The following PTPRN variants were observed in gnomAD, a reference collection of about 807,000 sequenced individuals.
The protein encoded by PTPRN is protein tyrosine phosphatase receptor type N.
In PTPRN, 70 loss-of-function variants were observed where a neutral mutation model predicts 108.5. The ratio of observed to expected loss-of-function variants is 0.65; its 90% CI spans 0.53 to 0.79. PTPRN has a LOEUF of 0.79. Ranked by LOEUF, PTPRN falls within the 30% of genes least tolerant of loss-of-function variation. PTPRN has a pLI of 0.00. For missense variants in PTPRN, 1,136 were observed against 1,295.5 expected (o/e 0.88, Z 1.89); for synonymous variants, 496 against 524.6 (o/e 0.95, Z 0.75).
At position 219,297,725 on chromosome 2, in the gene PTPRN, C is replaced by G. The variant is rs1339097682; in HGVS notation, c.1887+160G>C. ...AATTCCCATGCGTTCATAAAGGCCC[C>G]TACCATACTCCCTCCCACTGGGGCT... On this transcript the variant is annotated intron_variant, in intron 13 of 22. Coordinates refer to ENST00000295718, the MANE Select transcript of PTPRN (RefSeq NM_002846.4). This position sits in a 1 kb window ranked among gnomAD's most constrained non-coding sequence, Gnocchi z 6.0. Among the ~76,000 whole-genome samples, 1 of 152,196 alleles carries G rather than the reference C, an allele frequency of 6.6e-6. No individual in the cohort carries two copies. Among genetic ancestry groups the G allele is most frequent in the African/African-American group, 2.4e-5 (1 of 41,448 alleles).
chr2:219,294,844 T>C, intron 19 of PTPRN, 131 bp downstream of exon 19: 1 of 946,494 alleles, frequency 1.1e-6, no homozygotes, highest in Non-Finnish European at 1.5e-6. Flanking sequence ...GAGCGTGGGG[T>C]CTGGAGCGGG....
chr2:219,299,962 G>T (rs1574922754), intron 9 of PTPRN, 23 bp downstream of exon 9: 1 of 1,613,500 alleles, frequency 6.2e-7, no homozygotes, highest in Non-Finnish European at 8.5e-7. Flanking sequence ...AGACCAGAAA[G>T]CTTCCCAGGA....
At chr2:219,305,274 G>T (rs1370816244) in intron 3 of PTPRN, among the ~76,000 whole-genome samples, 1 of 147,854 alleles carries the variant, frequency 6.8e-6, no homozygotes, top group South Asian at 2.1e-4. Flanking sequence ...ATGGAGTCTC[G>T]CTCTATCACC....
intron 3 of PTPRN, among the ~76,000 whole-genome samples, chr2:219,305,399 T>C (rs1255893516): frequency 6.6e-6 from 1 of 152,084 alleles, no homozygotes; most frequent in Non-Finnish European, 1.5e-5. Flanking sequence ...CTCGCCACCA[T>C]GCCTGGCTAA....
Position 219,294,997 on chromosome 2 carries a change from G to T in PTPRN, c.2653C>A (p.Arg885=), listed in dbSNP as rs201664619. The T allele has an allele frequency of 5.2e-5, 84 of 1,600,798 alleles. No individual in the cohort carries two copies. The East Asian group carries it at 1.9e-3, about 37-fold the overall frequency. ...CACCTGCGGAAGTCCAGCAGGGGCC[G>T]CGTGGAGGCCGGTGTGCCCTCTGCC... ...WPAEGTPAST[R]PLLDFRRKVN... Residue 885 remains arginine (R), a synonymous_variant, in exon 19 of 23, where the codon CGG becomes AGG. Coordinates refer to ENST00000295718, the MANE Select transcript of PTPRN (RefSeq NM_002846.4).
rs368342659 is a variant in PTPRN at position 219,307,525 on chromosome 2, C to T, written c.199G>A (p.Gly67Arg). Residue 67 changes from glycine to arginine, a missense_variant, in exon 3 of 23, where the codon GGG (glycine) becomes AGG (arginine). Physicochemically the swap from Gly to Arg is moderately radical, Grantham distance 125 (BLOSUM62 -2). Transcript: ENST00000295718. ...GLFGQCQVGV[G>R]QARPLLQVTS... ...ACTTGCAAAAGGGGCCGGGCCTGCC[C>T]CACTCCCACCTGGCACTGCCCAAAC... 6 of 1,614,016 alleles carry T rather than the reference C, an allele frequency of 3.7e-6. No individual in the cohort carries two copies. The Admixed American group carries it at 6.7e-5, about 18-fold the overall frequency.
Position 219,302,303 on chromosome 2 carries a change from A to G in PTPRN, c.828T>C (p.Ser276=), listed in dbSNP as rs780418573. The change falls in exon 6 of 23, where the codon TCT becomes TCC. Residue 276 remains serine, a synonymous_variant. Coordinates refer to ENST00000295718, the MANE Select transcript of PTPRN (RefSeq NM_002846.4). ...GPSPAQLFQD[S]GLLYLAQELP... is the part of the protein sequence containing the mutation. ...ACTCCTGGGCCAGATAGAGCAGCCC[A>G]GAGTCTTGAAAAAGCTGGGCAGGTG... The G allele has an allele frequency of 2.2e-5, 36 of 1,613,958 alleles. 1 individual carries two copies. In the South Asian group the frequency reaches 3.7e-4, roughly 17 times the overall value.
chr2:219,295,046 C>T lies in PTPRN; in HGVS notation c.2604G>A (p.Thr868=). The T allele has an allele frequency of 1.2e-6, 2 of 1,613,250 alleles. No homozygotes were observed. The highest frequency in any genetic ancestry group is 2.2e-5 in the East Asian group (1 of 44,836). The change falls in exon 19 of 23, where the codon ACG becomes ACA. Residue 868 remains threonine (T), a synonymous_variant. Transcript: ENST00000295718. ...NVQTQETRTL[T]QFHFLSWPAE... is the part of the protein sequence containing the mutation. ...CCGGCCAGCTGAGGAAGTGGAACTG[C>T]GTGAGCGTGCGCGTCTCCTGGGTCT...
In PTPRN at chr2:219,290,639, C is replaced by G; in HGVS notation, c.2795-28G>C. Reference sequence around the variant, plus strand: ...GGAGATGGAGGTGGGGATGGGGCTGCTCAGGGGGTGTCCAGAGGAGGACAG... The same window carrying G: ...GGAGATGGAGGTGGGGATGGGGCTGGTCAGGGGGTGTCCAGAGGAGGACAG... On this transcript the variant is annotated intron_variant, in intron 21 of 22. Coordinates refer to ENST00000295718, the MANE Select transcript of PTPRN (RefSeq NM_002846.4). This position sits in a 1 kb window ranked among gnomAD's most constrained non-coding sequence, Gnocchi z 4.2. 1.3e-6 allele frequency: 2 copies of G among 1,544,690 alleles called. No homozygotes were observed. The highest frequency in any genetic ancestry group is 2.7e-5 in the African/African-American group (2 of 72,972).
At position 219,289,646 on chromosome 2, in the gene PTPRN, T is replaced by C. The variant is rs1952009480; in HGVS notation, c.*580A>G. ...GGTTGCAGCTGCACAGACAACACAC[T>C]AACTTTATTCACACTGGTACAAAAG... On this transcript the variant is annotated 3_prime_UTR_variant, in exon 23 of 23. Coordinates refer to ENST00000295718, the MANE Select transcript of PTPRN (RefSeq NM_002846.4). 6.4e-6 allele frequency: 1 copy of C among 156,622 alleles called. No individual in the cohort carries two copies. The highest frequency in any genetic ancestry group is 2.4e-5 in the African/African-American group (1 of 41,488). The allele number at this position is 156,622 out of a possible 1,614,324, so 9.7% of individuals were successfully genotyped here.
intron 8 of PTPRN, 44 bp from the exon 9 acceptor site, chr2:219,300,303 G>T: frequency 2.0e-6 from 3 of 1,511,104 alleles, no homozygotes; most frequent in Non-Finnish European, 2.7e-6. Flanking sequence ...ACAGTGCTGG[G>T]GGAAGGGGTA....
chr2:219,309,264 C>T lies in PTPRN; in HGVS notation c.69G>A (p.Leu23=). ...AGCCCCCCGGGCGGCTGCTCAGCAG[C>T]AGGAGGCAGAGGAGCAGCCGGAGAC... ...SGGLRLLLCL[L]LLSSRPGGCS... is the part of the protein sequence containing the mutation. Residue 23 remains leucine (L), a synonymous_variant, in exon 1 of 23, where the codon CTG becomes CTA. Transcript: ENST00000295718. 1 of 1,538,506 alleles carries T rather than the reference C, an allele frequency of 6.5e-7. No individual in the cohort carries two copies. Among genetic ancestry groups the T allele is most frequent in the Non-Finnish European group, 8.7e-7 (1 of 1,146,736 alleles).
Position 219,290,662 on chromosome 2 carries a change from C to T in PTPRN, c.2795-51G>A, listed in dbSNP as rs1324770733. ...TGCTCAGGGGGTGTCCAGAGGAGGA[C>T]AGGACCCAGAAAACCTGAGGCCTCC... On this transcript the variant is annotated intron_variant, in intron 21 of 22. Coordinates refer to ENST00000295718, the MANE Select transcript of PTPRN (RefSeq NM_002846.4). This position sits in a 1 kb window ranked among gnomAD's most constrained non-coding sequence, Gnocchi z 4.2. 3 of 1,524,204 alleles carry T rather than the reference C, an allele frequency of 2.0e-6. No individual in the cohort carries two copies. The highest frequency in any genetic ancestry group is 2.0e-5 in the Admixed American group (1 of 50,920). The allele number at this position is 1,524,204 out of a possible 1,614,324, so 94.4% of individuals were successfully genotyped here.
chr2:219,297,431 G>A lies in PTPRN; in HGVS notation c.1890C>T (p.Asp630=). ...AHGDTTFEYQ[D]LCRQHMATKS... ...TCGTGGCCATGTGCTGGCGGCACAG[G>A]TCCTGTGGAGGAAGAATCAGGTGAG... Residue 630 remains aspartate, a splice_region_variant and synonymous_variant, in exon 14 of 23, where the codon GAC becomes GAT. Transcript: ENST00000295718. This position sits in a 1 kb window ranked among gnomAD's most constrained non-coding sequence, Gnocchi z 6.0. 10 of 1,614,086 alleles carry A rather than the reference G, an allele frequency of 6.2e-6. No homozygotes were observed. Among genetic ancestry groups the A allele is most frequent in the Non-Finnish European group, 8.5e-6 (10 of 1,180,026 alleles).
rs17847398 is a variant in PTPRN, at chr2:219,301,509, T to C, written c.1126+79A>G. ...GCCTGACTCTTCCTCTCCAGGCTAC[T>C]CCAAGTGGTCTCGAGGCAGGGCAAG... On this transcript the variant is annotated intron_variant, in intron 7 of 22. Coordinates refer to ENST00000295718, the MANE Select transcript of PTPRN (RefSeq NM_002846.4). 3.9e-6 allele frequency: 6 copies of C among 1,522,672 alleles called. No individual in the cohort carries two copies. The East Asian group carries it at 1.4e-4, about 35-fold the overall frequency. 94.3% of individuals were successfully genotyped at this position (1,522,672 alleles called of 1,614,324 possible).
intron 19 of PTPRN, chr2:219,294,337 G>C (rs1952122436): frequency 2.7e-6 from 1 of 366,670 alleles, no homozygotes; most frequent in Admixed American, 3.2e-5. Context: ...AAAAACAGGG[G>C]AGAGGGCAGA....
chr2:219,299,514 C>A, intron 10 of PTPRN, 130 bp from the exon 11 acceptor site: 1 of 1,210,762 alleles, frequency 8.3e-7, no homozygotes, highest in Non-Finnish European at 1.2e-6. Context: ...ACAGGGGCAT[C>A]TTAGGCAAGG....
chr2:219,291,552 G>C, intron 19 of PTPRN, 29 bp from the exon 20 acceptor site: 1 of 1,608,806 alleles, frequency 6.2e-7, no homozygotes, highest in Non-Finnish European at 8.5e-7. Flanking sequence ...GTGAGGGCCA[G>C]TGGGCACCAG....
intron 12 of PTPRN, 103 bp downstream of exon 12, chr2:219,298,944 C>CG (rs2125093479): frequency 7.2e-7 from 1 of 1,384,488 alleles, no homozygotes; most frequent in East Asian, 2.3e-5. Flanking sequence ...GCCGTGCCTA[C>CG]GGACACGTTT....
Sources: allele counts gnomAD v4.1 joint callset (sites outside exome capture counted in the v4.1 genomes callset), GRCh38; gene constraint gnomAD v4.1.1; non-coding constraint Gnocchi (gnomAD v3.1); transcripts MANE v1.5; gene names NCBI Gene and HGNC (gene_info 2026-07-23, HGNC 2026-07-21).